SPEN: variants seen among roughly 807,000 people sequenced by gnomAD.
SPEN encodes the protein msx2-interacting protein.
A neutral mutation model predicts 269.9 loss-of-function variants in SPEN; 18 were observed. That is an observed-to-expected ratio of 0.07 (90% confidence interval 0.05 to 0.10). The LOEUF (loss-of-function observed/expected upper bound fraction) is 0.10. Among genes scored for constraint, SPEN ranks in the 10% least tolerant of loss-of-function variants. The probability of loss-of-function intolerance (pLI) is 1.00; values close to 1 mark genes in which losing one functional copy is unlikely to be tolerated. For missense variants in SPEN, 3,822 were observed against 4,631.2 expected (o/e 0.83, Z 5.07); for synonymous variants, 1,726 against 1,765.7 (o/e 0.98, Z 0.56).
At chr1:15,936,833 C>T (rs2071279876) in intron 11 of SPEN, among the ~76,000 whole-genome samples, 1 of 152,150 alleles carries the variant, frequency 6.6e-6, no homozygotes, top group Non-Finnish European at 1.5e-5. Flanking sequence ...GTGAACTGGT[C>T]AGCTAGTCCC....
chr1:15,904,476 A>AAAAAAAAAAAAAAAC (rs2070936074), intron 3 of SPEN, among the ~76,000 whole-genome samples: 1 of 145,966 alleles, frequency 6.9e-6, no homozygotes, highest in Non-Finnish European at 1.5e-5. Flanking sequence ...AAAAAAAAAA[A>AAAAAAAAAAAAAAAC]AGTGAACTAA....
chr1:15,909,102 T>C (rs1028344807), intron 3 of SPEN, among the ~76,000 whole-genome samples: 1 of 152,130 alleles, frequency 6.6e-6, no homozygotes, highest in Non-Finnish European at 1.5e-5. Flanking sequence ...GCATTGGTGG[T>C]ATGTGGTGGT....
chr1:15,894,172 T>C (rs1198456362), intron 3 of SPEN, among the ~76,000 whole-genome samples: 1 of 152,224 alleles, frequency 6.6e-6, no homozygotes, highest in African/African-American at 2.4e-5. Flanking sequence ...AGTTTTTTCA[T>C]ACAAGAAATA....
rs145074430 is a variant in SPEN, at chr1:15,877,198, C to G, written c.881+520C>G. 9.1e-3 allele frequency among the ~76,000 whole-genome samples: 1,385 copies of G among 152,184 alleles called. 25 individuals carry two copies. Among genetic ancestry groups the G allele is most frequent in the African/African-American group, 0.032 (1,324 of 41,538 alleles). ...CAATTTATAAACTCAAGTAGAAAAG[C>G]TTCCTTTGAATGCAGGTTGTAACTT... On this transcript the variant is annotated intron_variant, in intron 3 of 14. Coordinates refer to ENST00000375759, the MANE Select transcript of SPEN (RefSeq NM_015001.3).
intron 3 of SPEN, among the ~76,000 whole-genome samples, chr1:15,885,886 T>G (rs77022929): frequency 6.6e-6 from 1 of 152,184 alleles, no homozygotes; most frequent in Non-Finnish European, 1.5e-5. Context: ...TTATTTTTTT[T>G]GGCTCCTGTA....
In SPEN at chr1:15,930,394, A is replaced by G. The variant is rs751810959; in HGVS notation, c.4154A>G (p.Asp1385Gly). Residue 1385 changes from aspartate (D) to glycine (G), a missense_variant, in exon 11 of 15, where the codon GAT becomes GGT. This residue lies in a region of SPEN where 267 missense variants were observed against 315.5 expected (regional missense o/e 0.85). Transcript: ENST00000375759. This position sits in a 1 kb window ranked among gnomAD's most constrained non-coding sequence, Gnocchi z 5.3. ...GAGGTGCCTTCTGATTCTGACGAAG[A>G]TGGTGAACACAAATCCCACTCACCC... ...PGEVPSDSDE[D>G]GEHKSHSPRA... is the part of the protein sequence containing the mutation. 6.2e-7 allele frequency: 1 copy of G among 1,613,896 alleles called. No individual in the cohort carries two copies. Among genetic ancestry groups the G allele is most frequent in the South Asian group, 1.1e-5 (1 of 91,042 alleles).
In SPEN at chr1:15,933,526, C is replaced by G. The variant is rs761120321; in HGVS notation, c.7286C>G (p.Pro2429Arg). The G allele has an allele frequency of 6.2e-7, 1 of 1,613,964 alleles. No individual in the cohort carries two copies. Among genetic ancestry groups the G allele is most frequent in the Admixed American group, 1.7e-5 (1 of 59,984 alleles). ...ERTPTKASVP[P>R]DLPPPPQPAP... ...ACTCCAACCAAAGCATCTGTGCCCC[C>G]AGACCTTCCCCCACCTCCCCAGCCA... is the stretch of plus-strand genomic sequence containing the variant. Residue 2429 changes from proline (P) to arginine (R), a missense_variant, in exon 11 of 15, where the codon CCA (proline) becomes CGA (arginine). Physicochemically the swap from Pro to Arg is moderately radical, Grantham distance 103 (BLOSUM62 -2). Transcript: ENST00000375759. This position sits in a 1 kb window ranked among gnomAD's most constrained non-coding sequence, Gnocchi z 5.7.
At chr1:15,873,637 A>G in intron 2 of SPEN, 3 of 995,562 alleles carry the variant, frequency 3.0e-6, no homozygotes, top group Non-Finnish European at 3.6e-6. Flanking sequence ...TAATGATTCA[A>G]CCACTTGGAT....
At chr1:15,866,687 T>C (rs1309716670) in intron 1 of SPEN, among the ~76,000 whole-genome samples, 1 of 152,126 alleles carries the variant, frequency 6.6e-6, no homozygotes, top group African/African-American at 2.4e-5. Context: ...AGCTCATATA[T>C]CCATTATATA....
At chr1:15,925,595 T>A (rs960932981) in intron 10 of SPEN, among the ~76,000 whole-genome samples, 5 of 123,036 alleles carry the variant, frequency 4.1e-5, no homozygotes, top group African/African-American at 6.0e-5. Context: ...TTTTATTAAA[T>A]TTTTTTTTTT....
At position 15,934,719 on chromosome 1, in the gene SPEN, C is replaced by T; in HGVS notation, c.8479C>T (p.Pro2827Ser). Residue 2827 changes from proline to serine, a missense_variant, in exon 11 of 15, where the codon CCA becomes TCA. Pro to Ser is a moderately conservative substitution (Grantham distance 74). Around this residue, in one of 16 missense-constraint regions of SPEN, gnomAD observed 329 missense variants for 431.2 expected, o/e 0.76. Coordinates refer to ENST00000375759, the MANE Select transcript of SPEN (RefSeq NM_015001.3). The surrounding 1 kb of genome is among the most constrained non-coding windows in gnomAD (Gnocchi z 9.2). Reference protein sequence around the residue: ...LSYSGQKTEGPQRISAKISQI... With the variant: ...LSYSGQKTEGSQRISAKISQI... The stretch of plus-strand genomic sequence containing the variant: ...TTACTCAGGGCAGAAGACCGAAGGC[C>T]CACAGCGGATCAGCGCCAAGATCAG... 1.2e-6 allele frequency: 2 copies of T among 1,614,156 alleles called. No homozygotes were observed. The highest frequency in any genetic ancestry group is 1.7e-6 in the Non-Finnish European group (2 of 1,180,026).
intron 1 of SPEN, among the ~76,000 whole-genome samples, chr1:15,865,795 C>A (rs2070500699): frequency 6.6e-6 from 1 of 151,848 alleles, no homozygotes; most frequent in South Asian, 2.1e-4. Context: ...GTTAGGAAAT[C>A]ATTTATTTCT....
At chr1:15,905,217 T>A (rs2070944085) in intron 3 of SPEN, among the ~76,000 whole-genome samples, 1 of 150,718 alleles carries the variant, frequency 6.6e-6, no homozygotes, top group Non-Finnish European at 1.5e-5. Flanking sequence ...TTTTTATTTT[T>A]ATTTTATTTT....
chr1:15,892,490 T>A (rs889338675), intron 3 of SPEN, among the ~76,000 whole-genome samples: 1 of 152,202 alleles, frequency 6.6e-6, no homozygotes, highest in Non-Finnish European at 1.5e-5. Flanking sequence ...CAAATAGAGT[T>A]TGTTATTTTT....
chr1:15,883,514 C>G (rs534928571), intron 3 of SPEN, among the ~76,000 whole-genome samples: 1 of 149,880 alleles, frequency 6.7e-6, no homozygotes, highest in Non-Finnish European at 1.5e-5. Context: ...CTCCACCTCC[C>G]GGGTGGAGCA....
intron 3 of SPEN, among the ~76,000 whole-genome samples, chr1:15,893,717 G>A (rs1385284068): frequency 6.6e-6 from 1 of 151,782 alleles, no homozygotes; most frequent in Non-Finnish European, 1.5e-5. Context: ...GGGCAACAGA[G>A]CGAGACCCTG....
chr1:15,893,296 AG>A (rs2070807434), intron 3 of SPEN, among the ~76,000 whole-genome samples: 1 of 152,128 alleles, frequency 6.6e-6, no homozygotes, highest in African/African-American at 2.4e-5. Flanking sequence ...CCCAAACTGG[AG>A]GAGTTCTGTG....
intron 1 of SPEN, among the ~76,000 whole-genome samples, chr1:15,855,750 C>T (rs561912921): frequency 6.6e-6 from 1 of 151,670 alleles, no homozygotes; most frequent in Admixed American, 6.6e-5. Context: ...ATAATCCCAG[C>T]TACTCGGGAG....
At chr1:15,911,697 ATGC>A (rs2071013385) in intron 5 of SPEN, among the ~76,000 whole-genome samples, 1 of 152,248 alleles carries the variant, frequency 6.6e-6, no homozygotes, top group Non-Finnish European at 1.5e-5. Flanking sequence ...GCAGTGGCTC[ATGC>A]CTGTAATCCC....
Sources: allele counts gnomAD v4.1 joint callset (sites outside exome capture counted in the v4.1 genomes callset), GRCh38; gene constraint gnomAD v4.1.1; regional missense constraint gnomAD v4.1.1; non-coding constraint Gnocchi (gnomAD v3.1); transcripts MANE v1.5; gene names NCBI Gene and HGNC (gene_info 2026-07-23, HGNC 2026-07-21).